The following WBP1L variants were observed in gnomAD, a reference collection of about 807,000 sequenced individuals.
WBP1L encodes the protein WW domain binding protein 1 like, also known as WW domain binding protein 1-like.
WBP1L carries 17 observed loss-of-function variants against 33.7 expected under a neutral mutation model. The observed-to-expected ratio is 0.50, with a 90% CI of 0.34 to 0.76. WBP1L has a LOEUF of 0.76. Ranked by LOEUF, WBP1L falls within the 30% of genes least tolerant of loss-of-function variation. The pLI is 0.01. For synonymous variants in WBP1L, 173 were observed against 190.8 expected, an observed-to-expected ratio of 0.91 and a Z score of 0.77; for missense variants, 389 against 469.4, an observed-to-expected ratio of 0.83 and a Z score of 1.58.
Position 102,815,132 on chromosome 10 carries a change from C to T in WBP1L, c.*1801C>T, listed in dbSNP as rs1264984116. On this transcript the variant is annotated 3_prime_UTR_variant, in exon 4 of 4. Transcript: ENST00000448841. ...ACGTCTGGAGCACAGACAGGCCTCT[C>T]AAGGTCATTGATCTTACGCATTTAC... is the stretch of plus-strand genomic sequence containing the variant. 3 of 152,600 alleles carry T rather than the reference C, an allele frequency of 2.0e-5. No individual in the cohort carries two copies. The highest frequency in any genetic ancestry group is 4.8e-5 in the African/African-American group (2 of 41,416). 9.5% of individuals were successfully genotyped at this position (152,600 alleles called of 1,614,324 possible).
chr10:102,758,890 C>T (rs775344898), intron 1 of WBP1L, among the ~76,000 whole-genome samples: 10 of 152,166 alleles, frequency 6.6e-5, no homozygotes, highest in Admixed American at 3.3e-4. Flanking sequence ...CATACGTCAG[C>T]GTTTTCTTCT....
At position 102,813,418 on chromosome 10, in the gene WBP1L, C is replaced by CTGAA. The variant is rs998408647; in HGVS notation, c.*88_*89insGAAT. On this transcript the variant is annotated 3_prime_UTR_variant, in exon 4 of 4. Transcript: ENST00000448841. ...AGAAGCATTAAGTGACTTTCAAAGA[C>CTGAA]TTTCAGAGTACAGCCACTTGGTTCC... 20 of 1,473,860 alleles carry CTGAA rather than the reference C, an allele frequency of 1.4e-5. No individual in the cohort carries two copies. The African/African-American group carries it at 2.4e-4, about 18-fold the overall frequency. The allele number at this position is 1,473,860 out of a possible 1,614,324, so 91.3% of individuals were successfully genotyped here.
At chr10:102,761,358 T>C (rs1271759432) in intron 1 of WBP1L, among the ~76,000 whole-genome samples, 1 of 151,982 alleles carries the variant, frequency 6.6e-6, no homozygotes, top group Admixed American at 6.6e-5. Context: ...CAGGCTGGTC[T>C]GGAACTCCTG....
chr10:102,776,915 G>A (rs1843271381), intron 1 of WBP1L, among the ~76,000 whole-genome samples: 1 of 152,118 alleles, frequency 6.6e-6, no homozygotes, highest in African/African-American at 2.4e-5. Flanking sequence ...GCCTGGGGCT[G>A]TGCAGCTGAG....
chr10:102,755,659 CT>C (rs968656105), intron 1 of WBP1L, among the ~76,000 whole-genome samples: 6 of 152,200 alleles, frequency 3.9e-5, no homozygotes, highest in Admixed American at 3.9e-4. Context: ...TCCCAGAGTG[CT>C]GGGATTACAG....
In WBP1L at chr10:102,812,933, T is replaced by A; in HGVS notation, c.694T>A (p.Phe232Ile). 6.3e-7 allele frequency: 1 copy of A among 1,596,604 alleles called. No individual in the cohort carries two copies. The highest frequency in any genetic ancestry group is 8.6e-7 in the Non-Finnish European group (1 of 1,168,550). The change falls in exon 4 of 4, where the codon TTC (phenylalanine) becomes ATC (isoleucine). Residue 232 changes from phenylalanine to isoleucine, a missense_variant. Coordinates refer to ENST00000448841, the MANE Select transcript of WBP1L (RefSeq NM_001083913.2). Reference sequence around the variant, plus strand: ...CCTGGGGGAGCTGGACCCGGGGGCCTTCCTGGACAAAGATGCAGAATGTAG... The same window carrying A: ...CCTGGGGGAGCTGGACCCGGGGGCCATCCTGGACAAAGATGCAGAATGTAG... Reference protein sequence around the residue: ...AGLGELDPGAFLDKDAECREE... With the variant: ...AGLGELDPGAILDKDAECREE...
At chr10:102,778,880 C>T (rs2134044129) in intron 1 of WBP1L, among the ~76,000 whole-genome samples, 2 of 152,146 alleles carry the variant, frequency 1.3e-5, no homozygotes, top group East Asian at 3.9e-4. Flanking sequence ...ATTGTTTTTT[C>T]CCCTTAATCC....
chr10:102,797,911 G>T, intron 1 of WBP1L, 82 bp from the exon 2 acceptor site: 1 of 1,280,688 alleles, frequency 7.8e-7, no homozygotes, highest in South Asian at 1.3e-5. Flanking sequence ...CTGGTGAATA[G>T]ACAACCAGGA....
chr10:102,770,797 C>T (rs933118938), intron 1 of WBP1L, among the ~76,000 whole-genome samples: 4 of 152,214 alleles, frequency 2.6e-5, no homozygotes, highest in Non-Finnish European at 5.9e-5. Flanking sequence ...TGACCAGGGA[C>T]CTGCCTGTCT....
intron 3 of WBP1L, among the ~76,000 whole-genome samples, chr10:102,812,127 G>A (rs1033718102): frequency 6.6e-6 from 1 of 152,134 alleles, no homozygotes; most frequent in African/African-American, 2.4e-5. Flanking sequence ...CCTACATAGT[G>A]CATTTGGAAG....
chr10:102,788,835 G>A (rs540848310), intron 1 of WBP1L, among the ~76,000 whole-genome samples: 4 of 152,160 alleles, frequency 2.6e-5, no homozygotes, highest in African/African-American at 9.7e-5. Flanking sequence ...TAAAGAATAA[G>A]TATGAGAGTT....
intron 1 of WBP1L, among the ~76,000 whole-genome samples, chr10:102,794,799 C>A (rs904225851): frequency 6.6e-6 from 1 of 152,090 alleles, no homozygotes; most frequent in African/African-American, 2.4e-5. Flanking sequence ...ACCCAAGGCT[C>A]CTGGGTTTTC....
chr10:102,757,590 T>TG (rs1763718272), intron 1 of WBP1L, among the ~76,000 whole-genome samples: 1 of 148,746 alleles, frequency 6.7e-6, no homozygotes, highest in Admixed American at 6.7e-5. Flanking sequence ...TTTTTTTTTT[T>TG]TTGTTGATAC....
At chr10:102,784,863 C>CT (rs1188935461) in intron 1 of WBP1L, among the ~76,000 whole-genome samples, 2 of 61,106 alleles carry the variant, frequency 3.3e-5, no homozygotes, top group Admixed American at 1.8e-4. Flanking sequence ...ACCCAGCCCA[C>CT]TTTTTTTTCT....
chr10:102,785,257 G>A (rs1165138924), intron 1 of WBP1L, among the ~76,000 whole-genome samples: 3 of 145,546 alleles, frequency 2.1e-5, no homozygotes, highest in African/African-American at 7.6e-5. Context: ...GTGCGATTTC[G>A]GCTCACTGCA....
Position 102,812,733 on chromosome 10 carries a change from C to G in WBP1L, c.494C>G (p.Pro165Arg), listed in dbSNP as rs528315445. Residue 165 changes from proline to arginine, a missense_variant, in exon 4 of 4, where the codon CCC becomes CGC. Transcript: ENST00000448841. ...CAGTGTGGCCCTGCAGGTGGCAGTCCCCCGGGCATCGATCCCACCAGGGGA... is the reference window on the plus strand; with the variant it reads ...CAGTGTGGCCCTGCAGGTGGCAGTCGCCCGGGCATCGATCCCACCAGGGGA... ...PPQCGPAGGS[P>R]PGIDPTRGSQ... 5.0e-6 allele frequency: 8 copies of G among 1,613,790 alleles called. No individual in the cohort carries two copies. The Admixed American group carries it at 6.7e-5, about 13-fold the overall frequency.
intron 1 of WBP1L, among the ~76,000 whole-genome samples, chr10:102,779,683 C>T (rs1195607630): frequency 2.5e-5 from 3 of 119,294 alleles, no homozygotes; most frequent in Non-Finnish European, 6.0e-5. Context: ...TTTCTGATCC[C>T]GGTTGTTTCC....
intron 2 of WBP1L, among the ~76,000 whole-genome samples, chr10:102,806,498 G>A (rs1843737889): frequency 1.3e-5 from 2 of 152,112 alleles, no homozygotes; most frequent in African/African-American, 4.8e-5. Context: ...GGGTTCCTCT[G>A]CCAGTGTCTA....
chr10:102,778,158 G>C (rs993165374), intron 1 of WBP1L, among the ~76,000 whole-genome samples: 1 of 152,218 alleles, frequency 6.6e-6, no homozygotes, highest in African/African-American at 2.4e-5. Flanking sequence ...GGCTGGTAGA[G>C]AGTAGACATA....
Sources: allele counts gnomAD v4.1 joint callset (sites outside exome capture counted in the v4.1 genomes callset), GRCh38; gene constraint gnomAD v4.1.1; transcripts MANE v1.5; gene names NCBI Gene and HGNC (gene_info 2026-07-23, HGNC 2026-07-21).